SLC35F1: variants seen among roughly 807,000 people sequenced by gnomAD.
SLC35F1 encodes the protein solute carrier family 35 member F1.
Under a neutral mutation model 48.7 loss-of-function variants are expected in SLC35F1, and 14 were observed. The observed-to-expected ratio is 0.29, with a 90% CI of 0.19 to 0.45. The LOEUF is 0.45. Among genes scored for constraint, SLC35F1 ranks in the 20% least tolerant of loss-of-function variants. The probability of loss-of-function intolerance (pLI) is 1.00; values close to 1 mark genes in which losing one functional copy is unlikely to be tolerated. For missense variants in SLC35F1, 404 were observed against 500.0 expected, an observed-to-expected ratio of 0.81 and a Z score of 1.83; for synonymous variants, 190 against 202.2, an observed-to-expected ratio of 0.94 and a Z score of 0.51.
chr6:117,973,838 T>C (rs1233090119), intron 1 of SLC35F1, among the ~76,000 whole-genome samples: 1 of 152,246 alleles, frequency 6.6e-6, no homozygotes, highest in Non-Finnish European at 1.5e-5. Flanking sequence ...GAAGTACCTA[T>C]CAATTAATTT....
intron 1 of SLC35F1, among the ~76,000 whole-genome samples, chr6:118,067,881 C>T (rs551919244): frequency 1.9e-4 from 29 of 152,106 alleles, no homozygotes; most frequent in African/African-American, 6.7e-4. Context: ...CAAGAATTAG[C>T]GTTTCTAACA....
chr6:118,112,070 T>TTC (rs71012380), intron 1 of SLC35F1, among the ~76,000 whole-genome samples: 3 of 147,006 alleles, frequency 2.0e-5, no homozygotes, highest in Admixed American at 6.7e-5. Flanking sequence ...CTTTCTTTCT[T>TTC]TTTCTTTATT....
intron 1 of SLC35F1, among the ~76,000 whole-genome samples, chr6:117,966,128 A>ACCCC (rs1776560909): frequency 2.3e-4 from 4 of 17,232 alleles, no homozygotes; most frequent in African/African-American, 4.7e-4. Context: ...AAAGCAGGCC[A>ACCCC]CCGCCCCCCC....
intron 1 of SLC35F1, among the ~76,000 whole-genome samples, chr6:117,985,286 C>T (rs1165398845): frequency 6.6e-6 from 1 of 152,124 alleles, no homozygotes; most frequent in Non-Finnish European, 1.5e-5. Context: ...CAAATTAGCC[C>T]CTTGAATTTG....
intron 2 of SLC35F1, among the ~76,000 whole-genome samples, chr6:118,212,415 C>T (rs151031962): frequency 1.7e-4 from 26 of 152,176 alleles, no homozygotes; most frequent in African/African-American, 2.6e-4. Context: ...TATAGCTGGG[C>T]GCAGTGGCTC....
intron 1 of SLC35F1, among the ~76,000 whole-genome samples, chr6:117,922,092 G>A (rs1477248325): frequency 6.6e-6 from 1 of 152,200 alleles, no homozygotes; most frequent in East Asian, 1.9e-4. Flanking sequence ...AAAGGCCGGA[G>A]TCTACAAAGT....
intron 4 of SLC35F1, among the ~76,000 whole-genome samples, chr6:118,268,118 T>G (rs1775801167): frequency 1.3e-5 from 2 of 152,154 alleles, no homozygotes; most frequent in South Asian, 4.1e-4. Flanking sequence ...CCATAGAACT[T>G]TATAACTGAA....
intron 1 of SLC35F1, among the ~76,000 whole-genome samples, chr6:118,021,984 T>G (rs929291585): frequency 6.6e-6 from 1 of 152,142 alleles, no homozygotes; most frequent in African/African-American, 2.4e-5. Flanking sequence ...ATTCTTGCAG[T>G]GTCAAACTTC....
chr6:118,115,341 C>A (rs181085887), intron 1 of SLC35F1, among the ~76,000 whole-genome samples: 3 of 152,210 alleles, frequency 2.0e-5, no homozygotes, highest in Admixed American at 6.5e-5. Context: ...TGGTTGACAC[C>A]TGGAAGTAGA....
intron 1 of SLC35F1, among the ~76,000 whole-genome samples, chr6:118,075,371 G>A (rs1435210025): frequency 6.6e-6 from 1 of 152,198 alleles, no homozygotes; most frequent in East Asian, 1.9e-4. Context: ...AAGCAAACCT[G>A]TTATGAATTT....
At chr6:118,188,687 G>A (rs769712856) in intron 2 of SLC35F1, among the ~76,000 whole-genome samples, 5 of 151,924 alleles carry the variant, frequency 3.3e-5, no homozygotes, top group Non-Finnish European at 7.4e-5. Flanking sequence ...ATATCTCATT[G>A]TATATATACA....
At chr6:118,251,592 G>C (rs1775576288) in intron 3 of SLC35F1, among the ~76,000 whole-genome samples, 1 of 152,106 alleles carries the variant, frequency 6.6e-6, no homozygotes, top group African/African-American at 2.4e-5. Flanking sequence ...TCTACTGTAG[G>C]AATAGCATGA....
At chr6:117,988,462 C>T (rs1439161221) in intron 1 of SLC35F1, among the ~76,000 whole-genome samples, 2 of 152,132 alleles carry the variant, frequency 1.3e-5, no homozygotes, top group Non-Finnish European at 2.9e-5. Flanking sequence ...AGTAGGATGA[C>T]AAAACTCTCA....
chr6:118,174,357 G>A (rs540728689), intron 2 of SLC35F1, among the ~76,000 whole-genome samples: 5 of 152,242 alleles, frequency 3.3e-5, no homozygotes, highest in South Asian at 2.1e-4. Flanking sequence ...GGAATTTCAC[G>A]AGAGATCAGG....
At chr6:118,214,968 G>A (rs760768277) in intron 2 of SLC35F1, among the ~76,000 whole-genome samples, 12 of 152,126 alleles carry the variant, frequency 7.9e-5, no homozygotes, top group Non-Finnish European at 1.3e-4. Context: ...ATAATTGACA[G>A]GCACTGCCTA....
chr6:118,041,756 T>A (rs1189152401), intron 1 of SLC35F1, among the ~76,000 whole-genome samples: 2 of 152,104 alleles, frequency 1.3e-5, no homozygotes, highest in East Asian at 3.8e-4. Context: ...AAAAACGCCC[T>A]GAGGCAGAAA....
At chr6:118,215,781 T>A (rs1042949887) in intron 2 of SLC35F1, among the ~76,000 whole-genome samples, 4 of 152,198 alleles carry the variant, frequency 2.6e-5, no homozygotes, top group African/African-American at 4.8e-5. Context: ...CAATGTCTAA[T>A]ATACAGATAG....
chr6:118,126,985 C>G (rs1339992757), intron 1 of SLC35F1, among the ~76,000 whole-genome samples: 1 of 151,948 alleles, frequency 6.6e-6, no homozygotes, highest in East Asian at 1.9e-4. Context: ...CTTCTCCTGC[C>G]TAATTGCCCT....
chr6:118,199,141 G>A (rs1040108018), intron 2 of SLC35F1, among the ~76,000 whole-genome samples: 7 of 152,154 alleles, frequency 4.6e-5, no homozygotes, highest in Non-Finnish European at 5.9e-5. Context: ...AAGTATTGTA[G>A]GACATCCTGT....
Sources: allele counts gnomAD v4.1 joint callset (sites outside exome capture counted in the v4.1 genomes callset), GRCh38; gene constraint gnomAD v4.1.1; transcripts MANE v1.5; gene names NCBI Gene and HGNC (gene_info 2026-07-23, HGNC 2026-07-21).